The following STK33 variants were observed in gnomAD, a reference collection of about 807,000 sequenced individuals.
The protein encoded by STK33 is serine/threonine-protein kinase 33.
STK33 carries 52 observed loss-of-function variants against 58.0 expected under a neutral mutation model. The ratio of observed to expected loss-of-function variants is 0.90; its 90% confidence interval spans 0.72 to 1.13. STK33 has a LOEUF of 1.13. Ranked by LOEUF, STK33 falls within the 50% of genes most tolerant of loss-of-function variation. The pLI is 0.00. For missense variants in STK33, 630 were observed against 604.2 expected, an observed-to-expected ratio of 1.04 and a Z score of -0.45; for synonymous variants, 215 against 200.1, an observed-to-expected ratio of 1.07 and a Z score of -0.63.
At chr11:8,526,548 T>C (rs1954042570) in intron 1 of STK33, among the ~76,000 whole-genome samples, 1 of 152,168 alleles carries the variant, frequency 6.6e-6, no homozygotes, top group Admixed American at 6.5e-5. Context: ...TGCTCCAAAA[T>C]ACATGTACCT....
intron 11 of STK33, among the ~76,000 whole-genome samples, chr11:8,447,308 C>G (rs951225062): frequency 6.6e-6 from 1 of 152,172 alleles, no homozygotes; most frequent in African/African-American, 2.4e-5. Context: ...CATCCTGATA[C>G]CAAAGCCTGG....
At chr11:8,443,010 T>G (rs1944967358) in intron 11 of STK33, among the ~76,000 whole-genome samples, 1 of 152,232 alleles carries the variant, frequency 6.6e-6, no homozygotes, top group African/African-American at 2.4e-5. Context: ...AAATGTTCTA[T>G]GACTTGAACA....
At chr11:8,368,578 C>T in the STK33 span, among the ~76,000 whole-genome samples, 1 of 152,244 alleles carries the variant, frequency 6.6e-6, no homozygotes, top group Admixed American at 6.5e-5. Flanking sequence ...AAGAAATTAG[C>T]ACATGCCAGT....
chr11:8,493,065 A>T (rs1346605808), intron 1 of STK33, among the ~76,000 whole-genome samples: 1 of 152,238 alleles, frequency 6.6e-6, no homozygotes, highest in African/African-American at 2.4e-5. Flanking sequence ...AACAAATTCA[A>T]TAACTAGCAG....
the STK33 span, among the ~76,000 whole-genome samples, chr11:8,365,130 G>A: frequency 1.1e-4 from 17 of 152,274 alleles, no homozygotes; most frequent in African/African-American, 3.6e-4. Flanking sequence ...CCAGGGGGAC[G>A]TGTCTGAGGT....
At chr11:8,395,424 G>A (rs1418078268) in intron 15 of STK33, among the ~76,000 whole-genome samples, 1 of 152,162 alleles carries the variant, frequency 6.6e-6, no homozygotes, top group African/African-American at 2.4e-5. Context: ...CCAGCCATGT[G>A]GAACTGTGAG....
intron 1 of STK33, among the ~76,000 whole-genome samples, chr11:8,524,345 C>T (rs915016498): frequency 1.9e-4 from 29 of 151,140 alleles, no homozygotes; most frequent in African/African-American, 4.4e-4. Context: ...AAATAAAAAA[C>T]GGGAAAAAAT....
At chr11:8,455,397 G>A (rs1379296303) in intron 9 of STK33, among the ~76,000 whole-genome samples, 1 of 152,090 alleles carries the variant, frequency 6.6e-6, no homozygotes, top group Non-Finnish European at 1.5e-5. Flanking sequence ...ATCTCCAGTT[G>A]AACATGTCAG....
At chr11:8,346,943 T>G in the STK33 span, among the ~76,000 whole-genome samples, 41,488 of 152,068 alleles carry the variant, frequency 0.27, 5,851 homozygotes, top group South Asian at 0.4. Context: ...TAGACCTTTA[T>G]TTTCTATAAT....
chr11:8,438,731 C>T (rs894954592), intron 12 of STK33, among the ~76,000 whole-genome samples: 1 of 152,072 alleles, frequency 6.6e-6, no homozygotes, highest in Non-Finnish European at 1.5e-5. Flanking sequence ...ACATGAATTG[C>T]ATAATATTAG....
chr11:8,348,502 T>A, the STK33 span, among the ~76,000 whole-genome samples: 1 of 152,166 alleles, frequency 6.6e-6, no homozygotes, highest in Non-Finnish European at 1.5e-5. Context: ...ACTGCCCCCA[T>A]GATTTTATTA....
At chr11:8,517,288 A>G (rs1952889722) in intron 1 of STK33, among the ~76,000 whole-genome samples, 2 of 152,204 alleles carry the variant, frequency 1.3e-5, no homozygotes, top group African/African-American at 4.8e-5. Context: ...TTAGAAGGAA[A>G]ACTAACAAAC....
intron 12 of STK33, among the ~76,000 whole-genome samples, chr11:8,436,984 C>A (rs1944151165): frequency 6.6e-6 from 1 of 152,186 alleles, no homozygotes; most frequent in Non-Finnish European, 1.5e-5. Context: ...AGGCATGTGT[C>A]AACGCACCCA....
intron 1 of STK33, among the ~76,000 whole-genome samples, chr11:8,557,355 A>AGGAG (rs1956835788): frequency 7.3e-6 from 1 of 136,318 alleles, no homozygotes. Context: ...GGAGGAAAGA[A>AGGAG]GGATGGAAGG....
At position 8,392,573 on chromosome 11, in the gene STK33, T is replaced by C. The variant is rs747773173; in HGVS notation, c.1482A>G (p.Gln494=). ...TAGCAGGGTACTTGGTTGCTGTTCC[T>C]TGGCTTGGAGTCACAGGGGTTTTCT... ...EMEKTPVTPS[Q]GTATKYPAKS... Residue 494 remains glutamine (Q), a synonymous_variant, in exon 16 of 16, where the codon CAA becomes CAG. Coordinates refer to ENST00000687296, the MANE Select transcript of STK33 (RefSeq NM_001352389.2). The C allele has an allele frequency of 1.2e-5, 19 of 1,614,116 alleles. No homozygotes were observed. The highest frequency in any genetic ancestry group is 2.2e-5 in the South Asian group (2 of 91,090).
At chr11:8,394,767 AG>A (rs995734609) in intron 15 of STK33, among the ~76,000 whole-genome samples, 4 of 152,256 alleles carry the variant, frequency 2.6e-5, no homozygotes, top group African/African-American at 9.6e-5. Context: ...GGAAGGAAAA[AG>A]AAAACTAAAC....
At chr11:8,416,990 A>C (rs943388954) in intron 14 of STK33, among the ~76,000 whole-genome samples, 2 of 152,170 alleles carry the variant, frequency 1.3e-5, no homozygotes. Context: ...ACCAATAATA[A>C]GTGGTCCACA....
intron 15 of STK33, among the ~76,000 whole-genome samples, chr11:8,398,295 G>T (rs1345128968): frequency 2.0e-5 from 3 of 152,176 alleles, no homozygotes; most frequent in Non-Finnish European, 4.4e-5. Context: ...GAAGACAGTG[G>T]GGGCCAATAT....
downstream of STK33, among the ~76,000 whole-genome samples, chr11:8,387,886 C>A (rs1848566387): frequency 6.9e-6 from 1 of 145,854 alleles, no homozygotes. Context: ...TTTGTGCTGA[C>A]TGAGCTTTCC....
Sources: gnomAD v4.1 joint callset for allele counts (sites outside exome capture counted in the v4.1 genomes callset) on GRCh38, gnomAD v4.1.1 for gene constraint, MANE v1.5 for transcripts, NCBI Gene and HGNC (gene_info 2026-07-23, HGNC 2026-07-21) for gene names.